TMC1: variants seen among roughly 807,000 people sequenced by gnomAD.
TMC1 encodes the protein transmembrane channel like 1, also known as transmembrane channel-like protein 1.
A neutral mutation model predicts 105.8 loss-of-function variants in TMC1; 84 were observed. That is an observed-to-expected ratio of 0.79 (90% confidence interval 0.67 to 0.95). The LOEUF is 0.95. TMC1 is among the 40% of genes least tolerant of loss of function. TMC1 has a pLI of 0.00. For synonymous variants in TMC1, 315 were observed against 311.5 expected, an observed-to-expected ratio of 1.01 and a Z score of -0.12; for missense variants, 817 against 914.1, an observed-to-expected ratio of 0.89 and a Z score of 1.37.
intron 8 of TMC1, among the ~76,000 whole-genome samples, chr9:72,713,086 G>A (rs918253134): frequency 1.1e-4 from 16 of 152,174 alleles, no homozygotes; most frequent in Middle Eastern, 3.4e-3. Context: ...TTATTGATTC[G>A]CATATGTTGA....
At chr9:72,654,867 GTA>G (rs1588014814) in intron 5 of TMC1, among the ~76,000 whole-genome samples, 1 of 150,422 alleles carries the variant, frequency 6.6e-6, no homozygotes, top group Non-Finnish European at 1.5e-5. Flanking sequence ...ACTACCTTTA[GTA>G]TTTTTTTGTA....
intron 8 of TMC1, among the ~76,000 whole-genome samples, chr9:72,737,734 T>C (rs1200942125): frequency 6.6e-6 from 1 of 152,250 alleles, no homozygotes; most frequent in Non-Finnish European, 1.5e-5. Context: ...ACATTGTTAA[T>C]GCTTAGACAG....
chr9:72,821,765 G>A (rs1828877767), intron 20 of TMC1, among the ~76,000 whole-genome samples: 1 of 152,170 alleles, frequency 6.6e-6, no homozygotes, highest in Non-Finnish European at 1.5e-5. Context: ...ACATCCAGAC[G>A]TGGTCAGCTA....
chr9:72,589,961 C>T (rs957863305), intron 2 of TMC1, among the ~76,000 whole-genome samples: 1 of 152,120 alleles, frequency 6.6e-6, no homozygotes. Flanking sequence ...AATGTTGCCC[C>T]TGTGTTTGGG....
chr9:72,835,409 A>G (rs1389968436), intron 23 of TMC1, among the ~76,000 whole-genome samples: 2 of 152,248 alleles, frequency 1.3e-5, no homozygotes. Flanking sequence ...TGAAGCACAT[A>G]CATCACATAT....
chr9:72,569,139 G>A (rs973163233), intron 1 of TMC1, among the ~76,000 whole-genome samples: 4 of 152,112 alleles, frequency 2.6e-5, no homozygotes, highest in Non-Finnish European at 5.9e-5. Context: ...TACAGTATTT[G>A]CATACAGCCT....
chr9:72,742,396 A>C (rs765014770), intron 9 of TMC1, 48 bp from the exon 10 acceptor site: 1 of 1,468,902 alleles, frequency 6.8e-7, no homozygotes, highest in Non-Finnish European at 9.5e-7. Flanking sequence ...AAACATCTTG[A>C]CAAATCAAGA....
At chr9:72,588,077 T>C (rs888721052) in intron 2 of TMC1, among the ~76,000 whole-genome samples, 1 of 151,988 alleles carries the variant, frequency 6.6e-6, no homozygotes, top group Non-Finnish European at 1.5e-5. Flanking sequence ...GTGTGAGCCA[T>C]TGTGCCCAGA....
intron 2 of TMC1, among the ~76,000 whole-genome samples, chr9:72,598,562 A>G (rs7028017): frequency 0.04 from 6,033 of 152,104 alleles, 174 homozygotes; most frequent in Middle Eastern, 0.095. Flanking sequence ...AATGTAGCAT[A>G]TACAGTGGAC....
chr9:72,711,593 T>C (rs1157465970), intron 8 of TMC1, among the ~76,000 whole-genome samples: 1 of 152,248 alleles, frequency 6.6e-6, no homozygotes, highest in African/African-American at 2.4e-5. Context: ...GTTCATGTCC[T>C]TTGCCCACTT....
intron 5 of TMC1, among the ~76,000 whole-genome samples, chr9:72,655,195 G>A (rs555649769): frequency 6.6e-6 from 1 of 152,252 alleles, no homozygotes; most frequent in East Asian, 1.9e-4. Context: ...TGAAGCAGGT[G>A]CCTGTTTCCC....
rs137926594 is a variant in TMC1 at position 72,554,130 on chromosome 9, T to C, written c.-427-23772T>C. Among the ~76,000 whole-genome samples the C allele has an allele frequency of 8.1e-3, 1,229 of 152,296 alleles. 25 individuals are homozygous for C. The highest frequency in any genetic ancestry group is 0.028 in the African/African-American group (1,148 of 41,548). The stretch of plus-strand genomic sequence containing the variant: ...TTTATAAGCATTAGTGCCTTTTTTT[T>C]CCCCAGTCAGAAGCACTGACGGATT... On this transcript the variant is annotated intron_variant, in intron 1 of 23. Transcript: ENST00000297784.
intron 11 of TMC1, among the ~76,000 whole-genome samples, chr9:72,754,346 G>C (rs1325116616): frequency 6.6e-6 from 1 of 152,106 alleles, no homozygotes; most frequent in Non-Finnish European, 1.5e-5. Flanking sequence ...GGATTTCCTT[G>C]AGTTCTCTCT....
At position 72,629,178 on chromosome 9, in the gene TMC1, T is replaced by C. The variant is rs1278651107; in HGVS notation, c.-53+1115T>C. 3.9e-5 allele frequency among the ~76,000 whole-genome samples: 6 copies of C among 152,286 alleles called. No homozygotes were observed. In the East Asian group the frequency reaches 1.2e-3, roughly 29 times the overall value. On this transcript the variant is annotated intron_variant, in intron 4 of 23. Coordinates refer to ENST00000297784, the MANE Select transcript of TMC1 (RefSeq NM_138691.3). ...ACGTTAGGTAATTATTCCTATGACA[T>C]TGAGCCTATGAATGGCAGAGCTGGG...
intron 1 of TMC1, among the ~76,000 whole-genome samples, chr9:72,537,739 G>A (rs1260414607): frequency 6.6e-6 from 1 of 152,148 alleles, no homozygotes; most frequent in Non-Finnish European, 1.5e-5. Context: ...GTTTGGCCCA[G>A]AAAGGCAAGA....
intron 6 of TMC1, among the ~76,000 whole-genome samples, chr9:72,690,953 GTATA>G (rs1826456803): frequency 6.6e-6 from 1 of 152,056 alleles, no homozygotes; most frequent in African/African-American, 2.4e-5. Flanking sequence ...CTCCCATAGT[GTATA>G]TATTGGTCTG....
intron 2 of TMC1, among the ~76,000 whole-genome samples, chr9:72,607,002 T>TAGAGAG (rs57741839): frequency 0.014 from 1,849 of 134,906 alleles, 25 homozygotes; most frequent in African/African-American, 0.028. Context: ...TATATATATA[T>TAGAGAG]AGAGAGAGAG....
At chr9:72,701,758 A>G (rs1169203640) in intron 8 of TMC1, among the ~76,000 whole-genome samples, 1 of 152,156 alleles carries the variant, frequency 6.6e-6, no homozygotes, top group Non-Finnish European at 1.5e-5. Flanking sequence ...ATAAAGAAAG[A>G]TATTCTATAT....
At chr9:72,725,311 T>G (rs1827094943) in intron 8 of TMC1, among the ~76,000 whole-genome samples, 1 of 129,078 alleles carries the variant, frequency 7.7e-6, no homozygotes. Context: ...CACACACACA[T>G]TTTATGTGTG....
Sources: allele counts gnomAD v4.1 joint callset (sites outside exome capture counted in the v4.1 genomes callset), GRCh38; gene constraint gnomAD v4.1.1; transcripts MANE v1.5; gene names NCBI Gene and HGNC (gene_info 2026-07-23, HGNC 2026-07-21).